The following RBFOX1 variants were observed in gnomAD, a reference collection of about 807,000 sequenced individuals.
The protein encoded by RBFOX1 is RNA binding fox-1 homolog 1.
Under a neutral mutation model 57.7 loss-of-function variants are expected in RBFOX1, and 8 were observed. The observed-to-expected ratio is 0.14, with a 90% CI of 0.08 to 0.25. The LOEUF (loss-of-function observed/expected upper bound fraction) is 0.25. RBFOX1 is among the 10% of genes least tolerant of loss of function. The probability of loss-of-function intolerance (pLI) is 1.00; values close to 1 mark genes in which losing one functional copy is unlikely to be tolerated. For synonymous variants in RBFOX1, 326 were observed against 222.4 expected (o/e 1.47, Z -4.15); for missense variants, 611 against 548.5 (o/e 1.11, Z -1.14).
chr16:7,631,268 C>A (rs773001924), intron 11 of RBFOX1, among the ~76,000 whole-genome samples: 87 of 152,078 alleles, frequency 5.7e-4, no homozygotes, highest in Non-Finnish European at 1.6e-4. Flanking sequence ...TTTAAAAAAT[C>A]GGGGCACTTT....
intron 4 of RBFOX1, chr16:7,333,134 C>T: frequency 6.4e-7 from 1 of 1,556,674 alleles, no homozygotes; most frequent in South Asian, 1.1e-5. Flanking sequence ...CCAGAGTGCT[C>T]AGAGTAATAA....
chr16:6,412,131 TA>T (rs57126566), intron 2 of RBFOX1, among the ~76,000 whole-genome samples: 40 of 133,674 alleles, frequency 3.0e-4, no homozygotes, highest in Non-Finnish European at 3.2e-4. Flanking sequence ...AGACTCCATG[TA>T]AAAAAAAAAA....
At chr16:5,263,417 A>G in intron 1 of RBFOX1, among the ~76,000 whole-genome samples, 1 of 152,138 alleles carries the variant, frequency 6.6e-6, no homozygotes, top group East Asian at 1.9e-4. Flanking sequence ...GAACACAGGA[A>G]AGGAGCTGGG....
At chr16:6,828,259 C>T (rs536395273) in intron 3 of RBFOX1, among the ~76,000 whole-genome samples, 7 of 152,112 alleles carry the variant, frequency 4.6e-5, no homozygotes, top group East Asian at 1.9e-4. Flanking sequence ...GGCACAGTGG[C>T]TCACAGCTGT....
intron 2 of RBFOX1, among the ~76,000 whole-genome samples, chr16:6,625,645 C>T (rs1446222598): frequency 6.6e-6 from 1 of 151,726 alleles, no homozygotes; most frequent in Non-Finnish European, 1.5e-5. Flanking sequence ...TAGTTCCCCA[C>T]CGCCCCCGCC....
chr16:7,015,613 A>G (rs1260110371), intron 3 of RBFOX1, among the ~76,000 whole-genome samples: 1 of 152,150 alleles, frequency 6.6e-6, no homozygotes, highest in African/African-American at 2.4e-5. Flanking sequence ...CCTATTAGAC[A>G]CCATTTGTGG....
chr16:6,725,152 G>A (rs991622777), intron 3 of RBFOX1, among the ~76,000 whole-genome samples: 9 of 144,494 alleles, frequency 6.2e-5, no homozygotes, highest in African/African-American at 2.3e-4. Flanking sequence ...CCGGGTTCAC[G>A]CCATTCTCCT....
At chr16:6,350,309 C>A (rs984032958) in intron 2 of RBFOX1, among the ~76,000 whole-genome samples, 2 of 151,534 alleles carry the variant, frequency 1.3e-5, no homozygotes, top group Non-Finnish European at 2.9e-5. Context: ...GGTTGCGTTG[C>A]GCATGCCTGT....
chr16:5,886,619 G>T (rs991017727), intron 4 of RBFOX1, among the ~76,000 whole-genome samples: 1 of 152,224 alleles, frequency 6.6e-6, no homozygotes, highest in Non-Finnish European at 1.5e-5. Context: ...TGGGCGCGGT[G>T]GCTCACGCCT....
At chr16:7,519,640 G>C (rs1282241788) in intron 5 of RBFOX1, 43 of 959,114 alleles carry the variant, frequency 4.5e-5, no homozygotes, top group Non-Finnish European at 5.1e-5. Context: ...ACATGCATTT[G>C]GGAACCTTTT....
chr16:6,583,206 G>A (rs1180093771), intron 2 of RBFOX1, among the ~76,000 whole-genome samples: 4 of 152,074 alleles, frequency 2.6e-5, no homozygotes, highest in Non-Finnish European at 5.9e-5. Context: ...AGTTCTAATG[G>A]GTCCTAGCAT....
At chr16:7,545,949 T>C (rs2084354399) in intron 5 of RBFOX1, among the ~76,000 whole-genome samples, 1 of 150,464 alleles carries the variant, frequency 6.6e-6, no homozygotes, top group Admixed American at 6.7e-5. Context: ...GAGCATGCCT[T>C]AGAAATTGGA....
At chr16:6,247,862 A>G (rs1362612188) in intron 1 of RBFOX1, among the ~76,000 whole-genome samples, 3 of 152,182 alleles carry the variant, frequency 2.0e-5, no homozygotes, top group Non-Finnish European at 4.4e-5. Flanking sequence ...TGATGATAGG[A>G]AAGCAGTGGC....
At chr16:6,007,545 A>C (rs1236484036) in intron 4 of RBFOX1, among the ~76,000 whole-genome samples, 1 of 152,222 alleles carries the variant, frequency 6.6e-6, no homozygotes, top group Non-Finnish European at 1.5e-5. Flanking sequence ...CATGCTACTT[A>C]CTGACCCATA....
chr16:7,331,523 T>C (rs2096695186), intron 4 of RBFOX1, among the ~76,000 whole-genome samples: 1 of 152,156 alleles, frequency 6.6e-6, no homozygotes, highest in Non-Finnish European at 1.5e-5. Context: ...CAGTCTCAGG[T>C]CAAAGCCTTC....
At chr16:5,930,991 TG>T (rs1381919868) in intron 4 of RBFOX1, among the ~76,000 whole-genome samples, 77 of 151,608 alleles carry the variant, frequency 5.1e-4, no homozygotes, top group African/African-American at 1.8e-3. Context: ...GATGCATGGA[TG>T]GGTAGGTGGG....
At chr16:7,304,916 GT>G (rs1244734327) in intron 4 of RBFOX1, among the ~76,000 whole-genome samples, 5 of 278 alleles carry the variant, frequency 0.018, no homozygotes, top group Non-Finnish European at 0.026. Flanking sequence ...GTGTGGTGTG[GT>G]GTGTGTGTGT....
chr16:6,084,123 A>T (rs1040792227), intron 1 of RBFOX1, among the ~76,000 whole-genome samples: 6 of 152,212 alleles, frequency 3.9e-5, no homozygotes, highest in African/African-American at 1.4e-4. Context: ...TACGGCCAAT[A>T]ATAATACCTC....
chr16:6,798,004 GGAT>G (rs368627689), intron 3 of RBFOX1, among the ~76,000 whole-genome samples: 32 of 151,872 alleles, frequency 2.1e-4, no homozygotes, highest in South Asian at 6.3e-4. Context: ...ATGGGAATAG[GGAT>G]GATGATGATG....
Sources: gnomAD v4.1 joint callset for allele counts (sites outside exome capture counted in the v4.1 genomes callset) on GRCh38, gnomAD v4.1.1 for gene constraint, MANE v1.5 for transcripts, NCBI Gene and HGNC (gene_info 2026-07-23, HGNC 2026-07-21) for gene names.